Variants in DISC1 observed in about 807,000 individuals in gnomAD.
DISC1 encodes disrupted in schizophrenia 1 protein.
Under a neutral mutation model 84.5 loss-of-function variants are expected in DISC1, and 57 were observed. The ratio of observed to expected loss-of-function variants is 0.67; its 90% CI spans 0.55 to 0.84. The LOEUF is 0.84. Ranked by LOEUF, DISC1 falls within the 40% of genes least tolerant of loss-of-function variation. DISC1 has a pLI of 0.00. For missense variants in DISC1, 1,000 were observed against 1,057.8 expected (o/e 0.95, Z 0.76); for synonymous variants, 411 against 415.2 (o/e 0.99, Z 0.12).
Position 231,694,210 on chromosome 1 carries a change from A to T in DISC1, c.452A>T (p.Asp151Val). 3 of 1,614,150 alleles carry T rather than the reference A, an allele frequency of 1.9e-6. No individual in the cohort carries two copies. In the South Asian group the frequency reaches 3.3e-5, roughly 18 times the overall value. ...AGWQQEFAAM[D>V]SSETLDASWE... ...TGGCAGCAAGAGTTTGCAGCCATGGATAGTTCTGAGACCCTGGACGCCAGC... is the reference window on the plus strand; with the variant it reads ...TGGCAGCAAGAGTTTGCAGCCATGGTTAGTTCTGAGACCCTGGACGCCAGC... Residue 151 changes from aspartate to valine, a missense_variant, in exon 2 of 13, where the codon GAT (aspartate) becomes GTT (valine). Around this residue, in one of 3 missense-constraint regions of DISC1, gnomAD observed 292 missense variants for 280.2 expected, o/e 1.04. Coordinates refer to ENST00000439617, the MANE Select transcript of DISC1 (RefSeq NM_018662.3).
intron 3 of DISC1, among the ~76,000 whole-genome samples, chr1:231,739,714 T>C (rs2072998247): frequency 6.6e-6 from 1 of 152,234 alleles, no homozygotes; most frequent in Admixed American, 6.5e-5. Context: ...AAAGCATTAT[T>C]AATTGAGTGA....
chr1:231,940,631 C>G (rs567873533), intron 9 of DISC1, among the ~76,000 whole-genome samples: 3 of 151,986 alleles, frequency 2.0e-5, no homozygotes, highest in African/African-American at 7.3e-5. Context: ...TCTCCTAGAC[C>G]CTGTGCTCTT....
Position 232,039,040 on chromosome 1 carries a change from C to T in DISC1, c.*2209C>T, listed in dbSNP as rs549183288. 12 of 152,264 alleles carry T rather than the reference C, an allele frequency of 7.9e-5. No homozygotes were observed. The East Asian group carries it at 1.4e-3, about 17-fold the overall frequency. The allele number at this position is 152,264 out of a possible 1,614,324, so 9.4% of individuals were successfully genotyped here. On this transcript the variant is annotated 3_prime_UTR_variant, in exon 13 of 13. Coordinates refer to ENST00000439617, the MANE Select transcript of DISC1 (RefSeq NM_018662.3). ...GATTGTGTTCCCTATGGCTTTATCT[C>T]GAGCAAAATACACTCTACATATTTT...
At chr1:232,016,502 T>C (rs2103017764) in intron 11 of DISC1, among the ~76,000 whole-genome samples, 1 of 152,330 alleles carries the variant, frequency 6.6e-6, no homozygotes, top group Middle Eastern at 3.4e-3. Flanking sequence ...TCTAATGAAG[T>C]CTGGTTTTAT....
intron 1 of DISC1, among the ~76,000 whole-genome samples, chr1:231,676,720 T>G (rs1185144266): frequency 6.6e-6 from 1 of 152,240 alleles, no homozygotes; most frequent in Non-Finnish European, 1.5e-5. Flanking sequence ...GCCAATTTAT[T>G]ATCCAGGATT....
intron 10 of DISC1, among the ~76,000 whole-genome samples, chr1:232,005,632 C>T (rs1248396621): frequency 6.6e-6 from 1 of 152,136 alleles, no homozygotes; most frequent in Non-Finnish European, 1.5e-5. Context: ...AATATTACTT[C>T]TGCCTAATTC....
intron 9 of DISC1, among the ~76,000 whole-genome samples, chr1:231,944,442 G>A (rs571240972): frequency 1.1e-3 from 175 of 152,298 alleles, no homozygotes; most frequent in African/African-American, 3.6e-3. Flanking sequence ...GTGCTAACTC[G>A]GAAGAAGGGC....
rs373632399 is a variant in DISC1, at chr1:231,800,091, C to T, written c.1690-17C>T. The T allele has an allele frequency of 2.6e-5, 41 of 1,583,140 alleles. No homozygotes were observed. The highest frequency in any genetic ancestry group is 3.4e-5 in the Admixed American group (2 of 59,618). On this transcript the variant is annotated splice_polypyrimidine_tract_variant and intron_variant, in intron 7 of 12. Transcript: ENST00000439617. ...AGCTGAATAAATGATGATTCCTGGT[C>T]ATTTCTCTCCCCCTAGGTGTGTATG... is the stretch of plus-strand genomic sequence containing the variant.
chr1:231,794,647 G>A (rs2078616350), intron 6 of DISC1, among the ~76,000 whole-genome samples: 2 of 152,080 alleles, frequency 1.3e-5, no homozygotes, highest in South Asian at 4.1e-4. Context: ...TGCCTTCATG[G>A]AACTTAAGTT....
At chr1:231,952,536 A>G (rs915812623) in intron 9 of DISC1, among the ~76,000 whole-genome samples, 25 of 152,228 alleles carry the variant, frequency 1.6e-4, no homozygotes, top group African/African-American at 5.5e-4. Context: ...AAATTTATAC[A>G]TGCAAATCAA....
intron 1 of DISC1, among the ~76,000 whole-genome samples, chr1:231,665,133 A>T (rs1439977462): frequency 6.6e-6 from 1 of 152,220 alleles, no homozygotes; most frequent in East Asian, 1.9e-4. Flanking sequence ...AACTGTATAC[A>T]TAAGGTACTG....
chr1:231,782,307 A>C (rs894278524), intron 6 of DISC1, among the ~76,000 whole-genome samples: 1 of 152,156 alleles, frequency 6.6e-6, no homozygotes, highest in African/African-American at 2.4e-5. Flanking sequence ...TTTCTTATCC[A>C]ATAAAGTATG....
intron 10 of DISC1, among the ~76,000 whole-genome samples, chr1:231,971,697 A>G (rs185026707): frequency 2.6e-5 from 4 of 152,190 alleles, no homozygotes; most frequent in Non-Finnish European, 5.9e-5. Context: ...CCTTATCACA[A>G]CTGCCTCAGG....
intron 8 of DISC1, among the ~76,000 whole-genome samples, chr1:231,805,551 C>G (rs1558576847): frequency 6.6e-6 from 1 of 152,106 alleles, no homozygotes; most frequent in Non-Finnish European, 1.5e-5. Context: ...ACTATGGCAA[C>G]AGCATCACCA....
chr1:231,750,547 T>C, intron 4 of DISC1: 1 of 989,342 alleles, frequency 1.0e-6, no homozygotes, highest in Non-Finnish European at 1.2e-6. Context: ...CTGAGATTAG[T>C]AATATATAGA....
chr1:231,757,062 A>G (rs766343990), intron 4 of DISC1, among the ~76,000 whole-genome samples: 2 of 152,192 alleles, frequency 1.3e-5, no homozygotes, highest in Non-Finnish European at 2.9e-5. Flanking sequence ...AGGGGTATAT[A>G]TAATATTTTT....
At chr1:231,952,342 G>T (rs1171764956) in intron 9 of DISC1, among the ~76,000 whole-genome samples, 1 of 151,958 alleles carries the variant, frequency 6.6e-6, no homozygotes, top group Non-Finnish European at 1.5e-5. Flanking sequence ...TGAATCCCTT[G>T]CTAGTTTGGT....
intron 6 of DISC1, among the ~76,000 whole-genome samples, chr1:231,779,228 ACT>A (rs1189747650): frequency 2.6e-5 from 4 of 152,070 alleles, no homozygotes; most frequent in East Asian, 1.9e-4. Flanking sequence ...TGACTGACTG[ACT>A]CTCTGTTCCA....
chr1:231,740,730 C>T (rs1301254509), intron 3 of DISC1, among the ~76,000 whole-genome samples: 1 of 152,190 alleles, frequency 6.6e-6, no homozygotes, highest in African/African-American at 2.4e-5. Flanking sequence ...CAAGCCTATA[C>T]ATGAAATTCA....
Sources: gnomAD v4.1 joint callset for allele counts (sites outside exome capture counted in the v4.1 genomes callset) on GRCh38, gnomAD v4.1.1 for gene constraint, gnomAD v4.1.1 regional missense constraint, MANE v1.5 for transcripts, NCBI Gene and HGNC (gene_info 2026-07-23, HGNC 2026-07-21) for gene names.